IDH2: variants seen among roughly 807,000 people sequenced by gnomAD.
The protein encoded by IDH2 is isocitrate dehydrogenase [NADP], mitochondrial.
Under a neutral mutation model 50.5 loss-of-function variants are expected in IDH2, and 18 were observed. That is an observed-to-expected ratio of 0.36 (90% CI 0.25 to 0.53). The LOEUF (loss-of-function observed/expected upper bound fraction) is 0.53, where lower values mean the gene tolerates loss of function less well. IDH2 is among the 20% of genes least tolerant of loss of function. The probability of loss-of-function intolerance (pLI) is 0.92; values close to 1 mark genes in which losing one functional copy is unlikely to be tolerated. For synonymous variants in IDH2, 280 were observed against 239.8 expected, an observed-to-expected ratio of 1.17 and a Z score of -1.55; for missense variants, 518 against 610.7, an observed-to-expected ratio of 0.85 and a Z score of 1.60.
intron 2 of IDH2, among the ~76,000 whole-genome samples, chr15:90,091,275 C>T (rs1481806791): frequency 1.3e-5 from 2 of 152,242 alleles, no homozygotes; most frequent in Non-Finnish European, 2.9e-5. Context: ...GGAAATGATA[C>T]AGGATTAACC....
intron 1 of IDH2, among the ~76,000 whole-genome samples, chr15:90,101,927 AG>A (rs769269449): frequency 7.9e-5 from 12 of 151,740 alleles, no homozygotes; most frequent in Non-Finnish European, 1.8e-4. Context: ...GTCTCGTTCC[AG>A]GGGCGCAGGG....
rs1341842768 is a variant in IDH2 at position 90,098,614 on chromosome 15, G to A, written c.115+3662C>T. 2.0e-5 allele frequency among the ~76,000 whole-genome samples: 3 copies of A among 151,180 alleles called. No homozygotes were observed. Among genetic ancestry groups the A allele is most frequent in the East Asian group, 1.9e-4 (1 of 5,170 alleles). On this transcript the variant is annotated intron_variant, in intron 1 of 10. Transcript: ENST00000330062. The surrounding 1 kb of genome is among the most constrained non-coding windows in gnomAD (Gnocchi z 5.1). ...CACTGGAGGGCAGTGGCGTGATCTC[G>A]GCTCACTGCAAGCTCCACCTCCTGG...
chr15:90,087,170 G>C lies in IDH2; in HGVS notation c.909C>G (p.Gly303=). 1 of 1,614,136 alleles carries C rather than the reference G, an allele frequency of 6.2e-7. No homozygotes were observed. Among genetic ancestry groups the C allele is most frequent in the South Asian group, 1.1e-5 (1 of 91,078 alleles). Reference sequence around the variant, plus strand: ...CATAGTTCTTGCAGGCCCACACAAAGCCACCCGAAGACTTGAGGACCTGAG... The same window carrying C: ...CATAGTTCTTGCAGGCCCACACAAACCCACCCGAAGACTTGAGGACCTGAG... ...MVAQVLKSSG[G]FVWACKNYDG... The change falls in exon 7 of 11, where the codon GGC becomes GGG. Residue 303 remains glycine, a synonymous_variant. Coordinates refer to ENST00000330062, the MANE Select transcript of IDH2 (RefSeq NM_002168.4).
chr15:90,101,171 AC>A (rs570453494), intron 1 of IDH2, among the ~76,000 whole-genome samples: 9 of 150,272 alleles, frequency 6.0e-5, no homozygotes, highest in South Asian at 4.2e-4. Flanking sequence ...AAGCCTCCCT[AC>A]CCCCCCGGCT....
In IDH2 at chr15:90,100,274, C is replaced by T. The variant is rs1284525293; in HGVS notation, c.115+2002G>A. Among the ~76,000 whole-genome samples, 4 of 152,168 alleles carry T rather than the reference C, an allele frequency of 2.6e-5. No individual in the cohort carries two copies. Among genetic ancestry groups the T allele is most frequent in the Non-Finnish European group, 1.5e-5 (1 of 68,030 alleles). ...CTTCCAGTAATCTGAGAGCAGTTTC[C>T]AGCACCTCATACCCTGAATGGAACC... is the stretch of plus-strand genomic sequence containing the variant. On this transcript the variant is annotated intron_variant, in intron 1 of 10. Coordinates refer to ENST00000330062, the MANE Select transcript of IDH2 (RefSeq NM_002168.4). The surrounding 1 kb of genome is among the most constrained non-coding windows in gnomAD (Gnocchi z 4.1).
intron 3 of IDH2, 21 bp downstream of exon 3, chr15:90,090,458 C>T (rs1401981883): frequency 6.2e-7 from 1 of 1,611,910 alleles, no homozygotes; most frequent in East Asian, 2.2e-5. Context: ...CCCTGGCCCG[C>T]CCACCTCCAC....
rs928155882 is a variant in IDH2 at position 90,102,462 on chromosome 15, G to C, written c.-72C>G. ...CGCCGCTCCTCCCGGCTGCCTGGCCGCGGGCTAACGCTGGGCCTGGCGGGC... is the reference window on the plus strand; with the variant it reads ...CGCCGCTCCTCCCGGCTGCCTGGCCCCGGGCTAACGCTGGGCCTGGCGGGC... On this transcript the variant is annotated 5_prime_UTR_variant, in exon 1 of 11. Coordinates refer to ENST00000330062, the MANE Select transcript of IDH2 (RefSeq NM_002168.4). 1.7e-4 allele frequency: 143 copies of C among 852,926 alleles called. No homozygotes were observed. The highest frequency in any genetic ancestry group is 2.1e-4 in the Non-Finnish European group (140 of 653,954). The allele number at this position is 852,926 out of a possible 1,614,324, so 52.8% of individuals were successfully genotyped here. A position where few individuals can be genotyped will look rare whatever the true frequency, so the allele number is the denominator to read the frequency against.
intron 2 of IDH2, 58 bp from the exon 3 acceptor site, chr15:90,090,702 A>C: frequency 6.4e-7 from 1 of 1,570,818 alleles, no homozygotes; most frequent in South Asian, 1.1e-5. Flanking sequence ...CATGACAACA[A>C]AGGGCAGGAT....
rs568049828 is a variant in IDH2 at position 90,092,252 on chromosome 15, G to T, written c.116-608C>A. Among the ~76,000 whole-genome samples, 4 of 152,262 alleles carry T rather than the reference G, an allele frequency of 2.6e-5. No homozygotes were observed. The South Asian group carries it at 8.3e-4, about 32-fold the overall frequency. On this transcript the variant is annotated intron_variant, in intron 1 of 10. Transcript: ENST00000330062. ...GCTGCCCACCACCCTGCCACCCGTG[G>T]AAAAATTGTCTTCCATGAAACTGGC... is the stretch of plus-strand genomic sequence containing the variant.
In IDH2 at chr15:90,100,681, A is replaced by G. The variant is rs1305047628; in HGVS notation, c.115+1595T>C. 1 of 982,466 alleles carries G rather than the reference A, an allele frequency of 1.0e-6. No individual in the cohort carries two copies. The highest frequency in any genetic ancestry group is 4.7e-5 in the South Asian group (1 of 21,234). The allele number at this position is 982,466 out of a possible 1,614,324, so 60.9% of individuals were successfully genotyped here. On this transcript the variant is annotated intron_variant, in intron 1 of 10. Transcript: ENST00000330062. This position sits in a 1 kb window ranked among gnomAD's most constrained non-coding sequence, Gnocchi z 4.1. ...AAGACACGGGGCTCTTTTAGCCCCA[A>G]AATATTCTTTCCTTGTCATCAAGGG...
intron 1 of IDH2, among the ~76,000 whole-genome samples, chr15:90,099,543 C>A (rs1901275848): frequency 6.6e-6 from 1 of 152,218 alleles, no homozygotes; most frequent in African/African-American, 2.4e-5. Context: ...TTGTACCTCA[C>A]TGCAGCCTTG....
At chr15:90,093,609 A>T (rs4321174) in intron 1 of IDH2, among the ~76,000 whole-genome samples, 11,036 of 150,366 alleles carry the variant, frequency 0.073, 510 homozygotes, top group Non-Finnish European at 0.1. Context: ...TTAATTAATT[A>T]ATTTATTTAT....
In IDH2 at chr15:90,090,608, A is replaced by T; in HGVS notation, c.244T>A (p.Phe82Ile). Residue 82 changes from phenylalanine (F) to isoleucine (I), a missense_variant, in exon 3 of 11, where the codon TTT becomes ATT. Phe to Ile is a conservative substitution (Grantham distance 21). Coordinates refer to ENST00000330062, the MANE Select transcript of IDH2 (RefSeq NM_002168.4). ...TCACGGTTTGGGAGCCCGAGGTCAA[A>T]ATACTTTAGCTGGATGTCCACGTGG... ...LPHVDIQLKY[F>I]DLGLPNRDQT... 6.2e-7 allele frequency: 1 copy of T among 1,614,140 alleles called. No homozygotes were observed. The highest frequency in any genetic ancestry group is 2.2e-5 in the East Asian group (1 of 44,878).
At chr15:90,091,722 C>T in intron 1 of IDH2, 78 bp from the exon 2 acceptor site, 1 of 1,173,160 alleles carries the variant, frequency 8.5e-7, no homozygotes. Flanking sequence ...CAGGCCCGCC[C>T]TTCACCAGGA....
At chr15:90,097,671 G>T (rs891272129) in intron 1 of IDH2, among the ~76,000 whole-genome samples, 3 of 119,726 alleles carry the variant, frequency 2.5e-5, no homozygotes, top group African/African-American at 7.7e-5. Context: ...CTGGGGACGG[G>T]AAGTGGGGAG....
In IDH2 at chr15:90,090,647, G is replaced by A. The variant is rs779577152; in HGVS notation, c.208-3C>T. Reference sequence around the variant, plus strand: ...ATGTCCACGTGGGGCAGGATGAGCTGGGGACAGAGGGCCAGAGCAAGGCGT... The same window carrying A: ...ATGTCCACGTGGGGCAGGATGAGCTAGGGACAGAGGGCCAGAGCAAGGCGT... On this transcript the variant is annotated splice_region_variant and splice_polypyrimidine_tract_variant and intron_variant, in intron 2 of 10. Coordinates refer to ENST00000330062, the MANE Select transcript of IDH2 (RefSeq NM_002168.4). 4 of 1,614,072 alleles carry A rather than the reference G, an allele frequency of 2.5e-6. No homozygotes were observed. The highest frequency in any genetic ancestry group is 1.7e-5 in the Admixed American group (1 of 60,016).
chr15:90,086,133 C>T (rs996713449), intron 7 of IDH2, among the ~76,000 whole-genome samples: 5 of 152,146 alleles, frequency 3.3e-5, no homozygotes, highest in African/African-American at 9.7e-5. Flanking sequence ...GGGAATTGTT[C>T]GGTGAGAGGA....
intron 1 of IDH2, among the ~76,000 whole-genome samples, chr15:90,092,943 C>T (rs1361414796): frequency 6.6e-6 from 1 of 152,166 alleles, no homozygotes; most frequent in Non-Finnish European, 1.5e-5. Context: ...GGACTCCCCA[C>T]CCCACCCCCA....
intron 1 of IDH2, among the ~76,000 whole-genome samples, chr15:90,093,067 G>A (rs1310373380): frequency 2.6e-5 from 4 of 151,668 alleles, no homozygotes; most frequent in Non-Finnish European, 2.9e-5. Flanking sequence ...TGAAGGCAGA[G>A]GAGATCAACA....
Sources: gnomAD v4.1 joint callset for allele counts (sites outside exome capture counted in the v4.1 genomes callset) on GRCh38, gnomAD v4.1.1 for gene constraint, Gnocchi (gnomAD v3.1) non-coding constraint, MANE v1.5 for transcripts, NCBI Gene and HGNC (gene_info 2026-07-23, HGNC 2026-07-21) for gene names.